Variants in HM13 observed in about 807,000 individuals in gnomAD.
The protein encoded by HM13 is signal peptide peptidase.
A neutral mutation model predicts 50.0 loss-of-function variants in HM13; 18 were observed. That is an observed-to-expected ratio of 0.36 (90% CI 0.25 to 0.53). The LOEUF (loss-of-function observed/expected upper bound fraction) is 0.53. HM13 is among the 20% of genes least tolerant of loss of function. The pLI is 0.90. For missense variants in HM13, 393 were observed against 552.4 expected (o/e 0.71, Z 2.89); for synonymous variants, 197 against 232.6 (o/e 0.85, Z 1.39).
intron 4 of HM13, chr20:31,548,533 T>G (rs1337410356): frequency 5.4e-6 from 1 of 186,560 alleles, no homozygotes; most frequent in Non-Finnish European, 1.1e-5. Context: ...ACTCGACCTT[T>G]CTAAAGACCT....
At chr20:31,566,410 C>T in intron 11 of HM13, 115 bp downstream of exon 11, 1 of 830,084 alleles carries the variant, frequency 1.2e-6, no homozygotes, top group Non-Finnish European at 2.0e-6. Context: ...TTCCTGCCAC[C>T]AGCCCCACCC....
intron 12 of HM13, 30 bp from the exon 13 acceptor site, chr20:31,569,090 T>G: frequency 1.4e-6 from 2 of 1,463,122 alleles, no homozygotes; most frequent in South Asian, 2.5e-5. Context: ...CTAAATGAAT[T>G]TTTATTGTTG....
chr20:31,549,967 A>T (rs1341940019), intron 6 of HM13, 97 bp from the exon 7 acceptor site: 1 of 905,424 alleles, frequency 1.1e-6, no homozygotes, highest in Non-Finnish European at 1.9e-6. Flanking sequence ...CTCCCCTCAG[A>T]TCCCAGGCAG....
intron 7 of HM13, 50 bp downstream of exon 7, chr20:31,550,171 C>A (rs1188455488): frequency 1.4e-6 from 2 of 1,393,270 alleles, no homozygotes; most frequent in Non-Finnish European, 2.0e-6. Flanking sequence ...CCCTGCCGGG[C>A]CATGCCCCCA....
intron 3 of HM13, chr20:31,539,465 A>G: frequency 4.1e-6 from 4 of 985,498 alleles, no homozygotes; most frequent in East Asian, 1.1e-4. Flanking sequence ...GTTTGTGCAC[A>G]TTGAGGGCAT....
At chr20:31,538,635 C>T (rs902143844) in intron 3 of HM13, 20 of 1,180,886 alleles carry the variant, frequency 1.7e-5, no homozygotes, top group African/African-American at 1.3e-4. Context: ...CACACATGAT[C>T]GTGTTTCGTA....
rs1983948250 is a variant in HM13, at chr20:31,550,044, CT to C, written c.667-19del. The C allele has an allele frequency of 6.2e-7, 1 of 1,602,876 alleles. No individual in the cohort carries two copies. The highest frequency in any genetic ancestry group is 8.5e-7 in the Non-Finnish European group (1 of 1,169,822). ...CAGCCCCTCACTTCCCTTCATACTG[CT>C]CTTTTTTTCTCCTTCTAGGTATTTG... is the stretch of plus-strand genomic sequence containing the variant. On this transcript the variant is annotated intron_variant, in intron 6 of 12. Coordinates refer to ENST00000398174, the MANE Select transcript of HM13 (RefSeq NM_178581.3).
At chr20:31,567,125 C>A (rs1006407103) in intron 11 of HM13, among the ~76,000 whole-genome samples, 1 of 152,184 alleles carries the variant, frequency 6.6e-6, no homozygotes, top group Non-Finnish European at 1.5e-5. Flanking sequence ...TGTCTAGAAT[C>A]CCCAGCCCCC....
intron 1 of HM13, among the ~76,000 whole-genome samples, chr20:31,523,889 G>C (rs928381872): frequency 4.6e-5 from 7 of 152,162 alleles, no homozygotes; most frequent in Non-Finnish European, 7.4e-5. Flanking sequence ...GACTCACATG[G>C]AGCTGCCTCC....
At chr20:31,540,537 T>G (rs183779280) in intron 3 of HM13, 1 of 152,208 alleles carries the variant, frequency 6.6e-6, no homozygotes, top group Middle Eastern at 3.2e-3. Context: ...TATTTAATGT[T>G]ATAGCAACAA....
At chr20:31,551,738 G>A (rs1409145099) in intron 7 of HM13, among the ~76,000 whole-genome samples, 2 of 152,192 alleles carry the variant, frequency 1.3e-5, no homozygotes, top group Non-Finnish European at 2.9e-5. Flanking sequence ...GTCGTTGGGG[G>A]AGACTGGGGG....
At chr20:31,567,351 G>A (rs529923858) in intron 11 of HM13, among the ~76,000 whole-genome samples, 79 of 152,208 alleles carry the variant, frequency 5.2e-4, no homozygotes, top group Non-Finnish European at 5.6e-4. Flanking sequence ...ATGCTATTGT[G>A]CCCTCATCAG....
At chr20:31,522,544 TAA>T (rs11473463) in intron 1 of HM13, among the ~76,000 whole-genome samples, 1 of 141,668 alleles carries the variant, frequency 7.1e-6, no homozygotes, top group African/African-American at 2.6e-5. Context: ...AAAACTCCAC[TAA>T]AAAAAAACAA....
At chr20:31,533,515 A>G (rs1982936791) in intron 2 of HM13, among the ~76,000 whole-genome samples, 1 of 152,332 alleles carries the variant, frequency 6.6e-6, no homozygotes, top group Middle Eastern at 3.4e-3. Flanking sequence ...AAAAAAAACA[A>G]CAACAAAAAA....
intron 10 of HM13, among the ~76,000 whole-genome samples, chr20:31,565,022 C>T (rs1481521835): frequency 2.0e-5 from 3 of 151,620 alleles, no homozygotes; most frequent in African/African-American, 7.3e-5. Flanking sequence ...AAAAATTAGC[C>T]GGGCATGGTG....
chr20:31,552,072 C>T lies in HM13; in HGVS notation c.724+1951C>T, dbSNP rs149335895. Among the ~76,000 whole-genome samples, 255 of 151,824 alleles carry T rather than the reference C, an allele frequency of 1.7e-3. 1 individual carries two copies. The highest frequency in any genetic ancestry group is 3.7e-3 in the African/African-American group (154 of 41,436). On this transcript the variant is annotated intron_variant, in intron 7 of 12. Transcript: ENST00000398174. ...GCAGCCCCCGAGAACCAAGTGTACA[C>T]GGGGAGGGCATTTCTCCAGAGCAAG...
intron 4 of HM13, among the ~76,000 whole-genome samples, chr20:31,545,458 A>G (rs768132857): frequency 9.9e-5 from 15 of 152,150 alleles, no homozygotes; most frequent in Admixed American, 2.0e-4. Flanking sequence ...GGGGTTCCAC[A>G]GCTCTTTTTT....
In HM13 at chr20:31,568,206, C is replaced by T. The variant is rs776375973; in HGVS notation, c.1163C>T (p.Pro388Leu). Reference protein sequence around the residue: ...QKLAGPRRRRPQNPSAIYEES... With the variant: ...QKLAGPRRRRLQNPSAIYEES... ...CTAGCTGGCCCTCGCCGCCGGCGCC[C>T]GCAGAATCCCAGCGCCATGTAATGC... is the stretch of plus-strand genomic sequence containing the variant. Residue 388 changes from proline to leucine, a missense_variant, in exon 12 of 13, where the codon CCG becomes CTG. By Grantham distance (98) the Pro-to-Leu change is moderately conservative. Transcript: ENST00000398174. 81 of 1,612,726 alleles carry T rather than the reference C, an allele frequency of 5.0e-5. No individual in the cohort carries two copies. The highest frequency in any genetic ancestry group is 1.7e-4 in the Middle Eastern group (1 of 6,044).
rs201304536 is a variant in HM13 at position 31,549,131 on chromosome 20, T to C, written c.540+17T>C. Reference sequence around the variant, plus strand: ...CTGAGGAAGGTGAGTAGTCAGGACCTGGGCAGAAGGGGAGGATGGGGTTGA... The same window carrying C: ...CTGAGGAAGGTGAGTAGTCAGGACCCGGGCAGAAGGGGAGGATGGGGTTGA... On this transcript the variant is annotated intron_variant, in intron 5 of 12. Transcript: ENST00000398174. The C allele has an allele frequency of 4.0e-5, 64 of 1,613,846 alleles. No individual in the cohort carries two copies. The highest frequency in any genetic ancestry group is 1.7e-6 in the Non-Finnish European group (2 of 1,179,752).
Sources: allele counts gnomAD v4.1 joint callset (sites outside exome capture counted in the v4.1 genomes callset), GRCh38; gene constraint gnomAD v4.1.1; transcripts MANE v1.5; gene names NCBI Gene and HGNC (gene_info 2026-07-23, HGNC 2026-07-21).